PCSK6: variants seen among roughly 807,000 people sequenced by gnomAD.
The protein encoded by PCSK6 is proprotein convertase subtilisin/kexin type 6.
In PCSK6, 85 loss-of-function variants were observed where a neutral mutation model predicts 123.3. The ratio of observed to expected loss-of-function variants is 0.69; its 90% CI spans 0.58 to 0.83. PCSK6 has a LOEUF of 0.83. Among genes scored for constraint, PCSK6 ranks in the 40% least tolerant of loss-of-function variants. The pLI, the probability that PCSK6 is intolerant of heterozygous loss-of-function variation, is 0.00. For missense variants in PCSK6, 1,191 were observed against 1,282.3 expected, an observed-to-expected ratio of 0.93 and a Z score of 1.09; for synonymous variants, 508 against 516.0, an observed-to-expected ratio of 0.98 and a Z score of 0.21.
At chr15:101,442,159 G>A (rs888961758) in intron 2 of PCSK6, among the ~76,000 whole-genome samples, 8 of 152,142 alleles carry the variant, frequency 5.3e-5, no homozygotes, top group Non-Finnish European at 1.0e-4. Context: ...ACAAGTAGAC[G>A]TAATCTCACC....
At chr15:101,419,761 T>C (rs1366265742) in intron 6 of PCSK6, among the ~76,000 whole-genome samples, 2 of 151,848 alleles carry the variant, frequency 1.3e-5, no homozygotes, top group Non-Finnish European at 2.9e-5. Context: ...TAAGGAAACG[T>C]AAGGGCAGAC....
intron 4 of PCSK6, among the ~76,000 whole-genome samples, chr15:101,430,848 G>A (rs542728523): frequency 1.3e-5 from 2 of 152,238 alleles, no homozygotes; most frequent in South Asian, 2.1e-4. Context: ...TGAGAGAGTC[G>A]TTCTCTTATG....
intron 13 of PCSK6, among the ~76,000 whole-genome samples, chr15:101,348,053 G>T (rs1457282243): frequency 6.6e-6 from 1 of 152,130 alleles, no homozygotes; most frequent in Non-Finnish European, 1.5e-5. Context: ...CTTCCTTCTG[G>T]GTTGTGTTAC....
At chr15:101,475,179 G>A (rs151297548) in intron 1 of PCSK6, among the ~76,000 whole-genome samples, 26 of 152,284 alleles carry the variant, frequency 1.7e-4, no homozygotes, top group East Asian at 1.3e-3. Context: ...CAAGAGTTAC[G>A]TGCTGTCTAT....
chr15:101,339,047 G>C (rs1344942485), intron 13 of PCSK6, among the ~76,000 whole-genome samples: 1 of 152,188 alleles, frequency 6.6e-6, no homozygotes, highest in Admixed American at 6.5e-5. Context: ...GGTTGAATTT[G>C]CCAACAGGAA....
chr15:101,401,292 A>G (rs1206234019), intron 6 of PCSK6, among the ~76,000 whole-genome samples: 1 of 152,250 alleles, frequency 6.6e-6, no homozygotes, highest in Non-Finnish European at 1.5e-5. Flanking sequence ...CCATCTCTTC[A>G]TAGCTTGAAA....
intron 11 of PCSK6, among the ~76,000 whole-genome samples, chr15:101,377,574 C>A (rs1045001079): frequency 7.2e-5 from 11 of 152,224 alleles, no homozygotes; most frequent in African/African-American, 2.4e-5. Flanking sequence ...CAATGCCTGG[C>A]ACACAGTAAG....
intron 6 of PCSK6, among the ~76,000 whole-genome samples, chr15:101,412,306 A>G (rs1312860217): frequency 2.0e-5 from 3 of 152,162 alleles, no homozygotes; most frequent in Non-Finnish European, 4.4e-5. Context: ...GAAGATCTCA[A>G]ATGCATAAAG....
chr15:101,386,741 T>G (rs1398887454), intron 9 of PCSK6, among the ~76,000 whole-genome samples: 2 of 152,256 alleles, frequency 1.3e-5, no homozygotes, highest in Non-Finnish European at 2.9e-5. Flanking sequence ...TCGTCCATCA[T>G]GGACACTCGG....
At chr15:101,429,205 G>C (rs1174597060) in intron 5 of PCSK6, among the ~76,000 whole-genome samples, 1 of 151,850 alleles carries the variant, frequency 6.6e-6, no homozygotes, top group Non-Finnish European at 1.5e-5. Flanking sequence ...GGAATGATAA[G>C]AGCTCAGGGT....
intron 1 of PCSK6, 59 bp from the exon 2 acceptor site, chr15:101,443,719 C>T: frequency 8.1e-7 from 1 of 1,236,632 alleles, no homozygotes; most frequent in South Asian, 1.2e-5. Flanking sequence ...CTTCCAAAAT[C>T]TTCCACCCCA....
intron 7 of PCSK6, among the ~76,000 whole-genome samples, chr15:101,393,774 G>C (rs998777397): frequency 2.0e-5 from 3 of 152,234 alleles, no homozygotes; most frequent in African/African-American, 7.2e-5. Flanking sequence ...TAGGATCAAA[G>C]AGAGCTAGCA....
intron 20 of PCSK6, chr15:101,313,016 T>G: frequency 8.5e-6 from 10 of 1,173,968 alleles, no homozygotes; most frequent in Non-Finnish European, 1.1e-5. Flanking sequence ...AAAAAAATTT[T>G]TTTTTAACCC....
At chr15:101,401,478 C>T (rs898069642) in intron 6 of PCSK6, among the ~76,000 whole-genome samples, 3 of 152,182 alleles carry the variant, frequency 2.0e-5, no homozygotes, top group African/African-American at 4.8e-5. Flanking sequence ...TTAGATGCCT[C>T]GACGCCTGCT....
chr15:101,417,113 T>C (rs1043379534), intron 6 of PCSK6, among the ~76,000 whole-genome samples: 1 of 152,238 alleles, frequency 6.6e-6, no homozygotes, highest in Non-Finnish European at 1.5e-5. Flanking sequence ...TATCCTGTGC[T>C]ATTCTCGTGA....
intron 1 of PCSK6, among the ~76,000 whole-genome samples, chr15:101,462,535 G>A (rs1340599162): frequency 1.3e-5 from 2 of 152,140 alleles, no homozygotes; most frequent in Non-Finnish European, 1.5e-5. Context: ...TGAAGATACA[G>A]TACTGAAGTC....
At chr15:101,435,897 G>C (rs979957615) in intron 2 of PCSK6, among the ~76,000 whole-genome samples, 3 of 152,202 alleles carry the variant, frequency 2.0e-5, no homozygotes, top group Non-Finnish European at 2.9e-5. Context: ...ATGCCACCGA[G>C]TTGTGATCCT....
In PCSK6 at chr15:101,457,267, G is replaced by A. The variant is rs1040365667; in HGVS notation, c.298-13607C>T. The stretch of plus-strand genomic sequence containing the variant: ...TTGGAGCCAAGGACTACCCAGATCT[G>A]AATCCCAACTCCTCTGTTTAAGTGA... On this transcript the variant is annotated intron_variant, in intron 1 of 21. Transcript: ENST00000611716. 7.2e-5 allele frequency among the ~76,000 whole-genome samples: 11 copies of A among 152,314 alleles called. No homozygotes were observed. The East Asian group carries it at 1.5e-3, about 21-fold the overall frequency.
intron 6 of PCSK6, among the ~76,000 whole-genome samples, chr15:101,402,406 C>A (rs1259408191): frequency 6.6e-6 from 1 of 151,350 alleles, no homozygotes; most frequent in Non-Finnish European, 1.5e-5. Context: ...CACCAAAAGA[C>A]AAAATTGACA....
Sources: allele counts gnomAD v4.1 joint callset (sites outside exome capture counted in the v4.1 genomes callset), GRCh38; gene constraint gnomAD v4.1.1; transcripts MANE v1.5; gene names NCBI Gene and HGNC (gene_info 2026-07-23, HGNC 2026-07-21).